Variants in STPG2 observed in about 807,000 individuals in gnomAD.
STPG2 encodes the protein sperm-tail PG-rich repeat-containing protein 2.
In STPG2, 56 loss-of-function variants were observed where a neutral mutation model predicts 54.2. The observed-to-expected ratio is 1.03, with a 90% CI of 0.83 to 1.29. The LOEUF (loss-of-function observed/expected upper bound fraction) is 1.29, where lower values mean the gene tolerates loss of function less well. Among genes scored for constraint, STPG2 ranks in the 50% most tolerant of loss-of-function variants. The pLI is 0.00. For synonymous variants in STPG2, 200 were observed against 181.8 expected (o/e 1.10, Z -0.81); for missense variants, 596 against 544.9 (o/e 1.09, Z -0.93).
intron 9 of STPG2, among the ~76,000 whole-genome samples, chr4:97,801,568 T>G (rs879416370): frequency 1.3e-5 from 2 of 152,194 alleles, no homozygotes; most frequent in Non-Finnish European, 2.9e-5. Context: ...TAGGGCAGTA[T>G]TTTGGCCAAT....
chr4:97,919,170 C>T (rs1477090239), intron 8 of STPG2, among the ~76,000 whole-genome samples: 1 of 151,710 alleles, frequency 6.6e-6, no homozygotes, highest in South Asian at 2.1e-4. Flanking sequence ...ACCAACATAA[C>T]AGAATTTGTA....
At chr4:97,876,154 T>C (rs1730163524) in intron 8 of STPG2, among the ~76,000 whole-genome samples, 1 of 152,044 alleles carries the variant, frequency 6.6e-6, no homozygotes, top group Admixed American at 6.6e-5. Flanking sequence ...ATTAGGACAT[T>C]AGTGGAACTT....
At chr4:98,051,973 A>G (rs752145960) in intron 5 of STPG2, among the ~76,000 whole-genome samples, 1 of 151,768 alleles carries the variant, frequency 6.6e-6, no homozygotes, top group African/African-American at 2.4e-5. Flanking sequence ...TATAATCCCA[A>G]CTACTCAAGA....
At chr4:97,969,548 G>T (rs535011856) in intron 7 of STPG2, among the ~76,000 whole-genome samples, 1 of 152,060 alleles carries the variant, frequency 6.6e-6, no homozygotes, top group Non-Finnish European at 1.5e-5. Context: ...TTCTTGACCT[G>T]CCGATCCACC....
intron 4 of STPG2, among the ~76,000 whole-genome samples, chr4:97,533,592 T>C (rs571831015): frequency 5.9e-5 from 9 of 152,260 alleles, no homozygotes; most frequent in South Asian, 2.1e-4. Flanking sequence ...CTTGCCTGCC[T>C]CCAGGTATAG....
intron 9 of STPG2, among the ~76,000 whole-genome samples, chr4:97,784,496 C>A (rs1304472808): frequency 6.6e-6 from 1 of 151,678 alleles, no homozygotes; most frequent in Non-Finnish European, 1.5e-5. Context: ...AATTAAGACA[C>A]CAAGATACAG....
At chr4:97,817,042 A>G (rs1727940196) in intron 9 of STPG2, among the ~76,000 whole-genome samples, 1 of 148,820 alleles carries the variant, frequency 6.7e-6, no homozygotes, top group Non-Finnish European at 1.5e-5. Flanking sequence ...AATTCTGACA[A>G]ATACAGGGTG....
intron 9 of STPG2, among the ~76,000 whole-genome samples, chr4:97,778,894 C>A (rs1011057428): frequency 6.6e-6 from 1 of 152,142 alleles, no homozygotes; most frequent in Non-Finnish European, 1.5e-5. Context: ...GGAAAACTAA[C>A]AAACAGAAAG....
chr4:98,030,878 A>C (rs963739673), intron 5 of STPG2, among the ~76,000 whole-genome samples: 1 of 152,222 alleles, frequency 6.6e-6, no homozygotes, highest in African/African-American at 2.4e-5. Context: ...AATGTACAAA[A>C]ATTAACTCAA....
chr4:98,072,987 TG>T (rs1317732188), intron 5 of STPG2, among the ~76,000 whole-genome samples: 4 of 152,174 alleles, frequency 2.6e-5, no homozygotes, highest in Non-Finnish European at 5.9e-5. Flanking sequence ...AAAAGACTGT[TG>T]TGAAGAATGA....
At chr4:97,849,972 G>A (rs1163912368) in intron 8 of STPG2, among the ~76,000 whole-genome samples, 6 of 151,890 alleles carry the variant, frequency 4.0e-5, no homozygotes, top group South Asian at 2.1e-4. Context: ...ACATGCACAC[G>A]TATGTTTATT....
intron 5 of STPG2, among the ~76,000 whole-genome samples, chr4:98,082,235 T>C (rs1380446650): frequency 6.6e-6 from 1 of 151,980 alleles, no homozygotes; most frequent in Non-Finnish European, 1.5e-5. Context: ...CAAGCCAGGA[T>C]ACATCTCGGT....
intron 10 of STPG2, among the ~76,000 whole-genome samples, chr4:97,648,266 A>G (rs890500964): frequency 6.6e-6 from 1 of 152,126 alleles, no homozygotes; most frequent in African/African-American, 2.4e-5. Flanking sequence ...TGTGCTTTCC[A>G]CTACTCTCCC....
At chr4:98,081,823 T>G (rs1738351988) in intron 5 of STPG2, among the ~76,000 whole-genome samples, 1 of 152,202 alleles carries the variant, frequency 6.6e-6, no homozygotes, top group African/African-American at 2.4e-5. Context: ...TGAGTAGGGA[T>G]TAAAGCTTGA....
Position 97,857,596 on chromosome 4 carries a change from C to A in STPG2, c.1045-16664G>T, listed in dbSNP as rs1239807229. ...GTCTATTTTATTAATTTTTTCAAAA[C>A]AATGTCTCCTGGATTCATTCATTTT... On this transcript the variant is annotated intron_variant, in intron 8 of 10. Coordinates refer to ENST00000295268, the MANE Select transcript of STPG2 (RefSeq NM_174952.3). Among the ~76,000 whole-genome samples, 9 of 152,006 alleles carry A rather than the reference C, an allele frequency of 5.9e-5. No homozygotes were observed. The East Asian group carries it at 9.7e-4, about 16-fold the overall frequency.
chr4:97,813,247 T>A (rs527298615), intron 9 of STPG2, among the ~76,000 whole-genome samples: 6 of 147,964 alleles, frequency 4.1e-5, no homozygotes, highest in East Asian at 4.0e-4. Flanking sequence ...GTAAAAAAAA[T>A]AAAATAAAAT....
chr4:97,537,083 T>C (rs1035625841), intron 4 of STPG2, among the ~76,000 whole-genome samples: 6 of 152,126 alleles, frequency 3.9e-5, no homozygotes, highest in Admixed American at 6.5e-5. Flanking sequence ...GATGGCCAAA[T>C]AGGAATAGCT....
rs1736373253 is a variant in STPG2, at chr4:98,025,194, G to GA, written c.613-43877dup. ...CAAGTAATTTATACAACAACTACTG[G>GA]AAATGTATATCTCCTCGTAAGGAAA... On this transcript the variant is annotated intron_variant, in intron 5 of 10. Coordinates refer to ENST00000295268, the MANE Select transcript of STPG2 (RefSeq NM_174952.3). 2.0e-5 allele frequency among the ~76,000 whole-genome samples: 3 copies of GA among 152,286 alleles called. No individual in the cohort carries two copies. In the South Asian group the frequency reaches 6.2e-4, roughly 32 times the overall value.
intron 10 of STPG2, among the ~76,000 whole-genome samples, chr4:97,683,403 A>C (rs956755937): frequency 6.6e-6 from 1 of 151,854 alleles, no homozygotes; most frequent in Admixed American, 6.6e-5. Context: ...GCTACAGTAC[A>C]TTCTGCTGTA....
Sources: gnomAD v4.1 joint callset for allele counts (sites outside exome capture counted in the v4.1 genomes callset) on GRCh38, gnomAD v4.1.1 for gene constraint, MANE v1.5 for transcripts, NCBI Gene and HGNC (gene_info 2026-07-23, HGNC 2026-07-21) for gene names.